The following POT1 variants were observed in gnomAD, a reference collection of about 807,000 sequenced individuals.
POT1 encodes protection of telomeres 1.
A neutral mutation model predicts 78.5 loss-of-function variants in POT1; 47 were observed. The ratio of observed to expected loss-of-function variants is 0.60; its 90% CI spans 0.47 to 0.76. The LOEUF (loss-of-function observed/expected upper bound fraction) is 0.76. Ranked by LOEUF, POT1 falls within the 30% of genes least tolerant of loss-of-function variation. POT1 has a pLI of 0.00. For synonymous variants in POT1, 259 were observed against 260.7 expected, an observed-to-expected ratio of 0.99 and a Z score of 0.06; for missense variants, 646 against 749.9, an observed-to-expected ratio of 0.86 and a Z score of 1.62.
intron 2 of POT1, among the ~76,000 whole-genome samples, chr7:124,923,706 G>A (rs1797205788): frequency 6.6e-6 from 1 of 150,866 alleles, no homozygotes; most frequent in African/African-American, 2.4e-5. Flanking sequence ...ACTGCAAAAA[G>A]GACTTCATCA....
intron 9 of POT1, among the ~76,000 whole-genome samples, chr7:124,855,424 T>C (rs2116513669): frequency 6.6e-6 from 1 of 151,938 alleles, no homozygotes; most frequent in Non-Finnish European, 1.5e-5. Context: ...GGCCAAGATA[T>C]AAGTTATTCA....
chr7:124,830,279 A>G (rs1232297190), intron 15 of POT1, among the ~76,000 whole-genome samples: 1 of 152,158 alleles, frequency 6.6e-6, no homozygotes, highest in African/African-American at 2.4e-5. Flanking sequence ...ATTTTTTATT[A>G]TGCATCATCA....
rs547102036 is a variant in POT1, at chr7:124,825,553, T to C, written c.1687-196A>G. Among the ~76,000 whole-genome samples, 165 of 152,226 alleles carry C rather than the reference T, an allele frequency of 1.1e-3. 1 individual carries two copies. Among genetic ancestry groups the C allele is most frequent in the African/African-American group, 3.8e-3 (157 of 41,550 alleles). On this transcript the variant is annotated intron_variant, in intron 17 of 18. Transcript: ENST00000357628. ...ATTTACTCTTTAATCTTAAAATAGC[T>C]TTGAGATACACGTAATCAAGTAAAT...
chr7:124,901,264 C>T (rs764625524), intron 3 of POT1, among the ~76,000 whole-genome samples: 2 of 152,166 alleles, frequency 1.3e-5, no homozygotes, highest in East Asian at 3.9e-4. Context: ...GGCCAACTGA[C>T]ACCTCACACA....
intron 3 of POT1, among the ~76,000 whole-genome samples, chr7:124,905,851 A>C (rs1050840547): frequency 6.6e-6 from 1 of 152,232 alleles, no homozygotes; most frequent in African/African-American, 2.4e-5. Flanking sequence ...ATTTGTCAAA[A>C]GAAGACATTT....
intron 3 of POT1, among the ~76,000 whole-genome samples, chr7:124,913,002 G>A (rs754500176): frequency 6.6e-5 from 10 of 152,158 alleles, no homozygotes; most frequent in Non-Finnish European, 1.3e-4. Context: ...TAATCAAGGC[G>A]GAAGGCAAGG....
intron 7 of POT1, among the ~76,000 whole-genome samples, chr7:124,866,389 T>C (rs573857398): frequency 6.6e-6 from 1 of 152,294 alleles, no homozygotes; most frequent in African/African-American, 2.4e-5. Flanking sequence ...CCTGACTATC[T>C]TGGACTTCCA....
chr7:124,909,299 T>C (rs1231737719), intron 3 of POT1, among the ~76,000 whole-genome samples: 2 of 151,910 alleles, frequency 1.3e-5, no homozygotes, highest in African/African-American at 4.8e-5. Context: ...CTGCAAAATA[T>C]ATCACATTAG....
chr7:124,864,354 T>C (rs1795670499), intron 7 of POT1, among the ~76,000 whole-genome samples: 1 of 152,204 alleles, frequency 6.6e-6, no homozygotes, highest in East Asian at 1.9e-4. Context: ...ATATATTTGG[T>C]TCCTGATTAT....
intron 8 of POT1, among the ~76,000 whole-genome samples, chr7:124,861,122 A>G (rs1195316712): frequency 1.3e-5 from 2 of 152,238 alleles, no homozygotes; most frequent in African/African-American, 2.4e-5. Context: ...GTATATACCC[A>G]GTAATGGGAT....
At chr7:124,831,811 T>C (rs906425744) in intron 15 of POT1, among the ~76,000 whole-genome samples, 3 of 151,932 alleles carry the variant, frequency 2.0e-5, no homozygotes, top group Non-Finnish European at 2.9e-5. Flanking sequence ...AAACAGTTTA[T>C]ATAAATTTAA....
intron 3 of POT1, among the ~76,000 whole-genome samples, chr7:124,913,221 ATGTGG>A (rs1212562875): frequency 2.0e-5 from 3 of 152,176 alleles, no homozygotes; most frequent in Non-Finnish European, 4.4e-5. Context: ...TCAAGATGAG[ATGTGG>A]GTGGGGACAC....
intron 3 of POT1, among the ~76,000 whole-genome samples, chr7:124,903,927 A>G (rs943352238): frequency 6.6e-6 from 1 of 152,236 alleles, no homozygotes; most frequent in Non-Finnish European, 1.5e-5. Flanking sequence ...GAAGAAATGG[A>G]TAAATTACTA....
chr7:124,853,533 G>A (rs2116507054), intron 9 of POT1: 1 of 153,576 alleles, frequency 6.5e-6, no homozygotes, highest in East Asian at 1.9e-4. Flanking sequence ...AAAATGCCTT[G>A]CTTTAACTAG....
Position 124,865,538 on chromosome 7 carries a change from G to A in POT1, c.256-1898C>T, listed in dbSNP as rs547753437. Among the ~76,000 whole-genome samples, 18 of 151,658 alleles carry A rather than the reference G, an allele frequency of 1.2e-4. No individual in the cohort carries two copies. In the South Asian group the frequency reaches 3.5e-3, roughly 30 times the overall value. On this transcript the variant is annotated intron_variant, in intron 7 of 18. Transcript: ENST00000357628. ...ATTTAACTTATATCTGATCTATTTA[G>A]CCCATCCATTAGATTTTTCATTTGT...
intron 15 of POT1, among the ~76,000 whole-genome samples, chr7:124,830,472 G>T (rs929444726): frequency 6.6e-6 from 1 of 151,942 alleles, no homozygotes; most frequent in East Asian, 1.9e-4. Context: ...TCTAATAAAA[G>T]ATGTCAATTT....
Position 124,859,118 on chromosome 7 carries a change from A to G in POT1, c.547-6T>C, listed in dbSNP as rs1386166678. The G allele has an allele frequency of 5.1e-6, 8 of 1,562,376 alleles. No individual in the cohort carries two copies. Among genetic ancestry groups the G allele is most frequent in the Admixed American group, 1.8e-5 (1 of 55,138 alleles). ...GTCCTGGTGCCATCCCATACCTGCC[A>G]TAAGAGAGTAGAGTAGTTTTATGAT... On this transcript the variant is annotated splice_region_variant and splice_polypyrimidine_tract_variant and intron_variant, in intron 8 of 18. Transcript: ENST00000357628.
intron 3 of POT1, among the ~76,000 whole-genome samples, chr7:124,908,301 T>C (rs1796812618): frequency 6.6e-6 from 1 of 151,996 alleles, no homozygotes; most frequent in Non-Finnish European, 1.5e-5. Context: ...TTCATGAGCA[T>C]TTGCATGTAC....
At chr7:124,831,999 TAAAAAAAAA>T in intron 15 of POT1, among the ~76,000 whole-genome samples, 1 of 75,648 alleles carries the variant, frequency 1.3e-5, no homozygotes, top group East Asian at 4.4e-4. Context: ...TTCTTAAAAA[TAAAAAAAAA>T]AAAAAAAAAA....
Sources: gnomAD v4.1 joint callset for allele counts (sites outside exome capture counted in the v4.1 genomes callset) on GRCh38, gnomAD v4.1.1 for gene constraint, MANE v1.5 for transcripts, NCBI Gene and HGNC (gene_info 2026-07-23, HGNC 2026-07-21) for gene names.